The following CEMIP variants were observed in gnomAD, a reference collection of about 807,000 sequenced individuals.
CEMIP encodes the protein cell migration-inducing and hyaluronan-binding protein.
CEMIP carries 105 observed loss-of-function variants against 156.9 expected under a neutral mutation model. The observed-to-expected ratio is 0.67, with a 90% CI of 0.57 to 0.79. CEMIP has a LOEUF of 0.79. Ranked by LOEUF, CEMIP falls within the 30% of genes least tolerant of loss-of-function variation. The probability of loss-of-function intolerance (pLI) is 0.00; values close to 1 mark genes in which losing one functional copy is unlikely to be tolerated. For missense variants in CEMIP, 1,457 were observed against 1,769.4 expected (o/e 0.82, Z 3.17); for synonymous variants, 676 against 668.4 (o/e 1.01, Z -0.17).
rs751049579 is a variant in CEMIP, at chr15:80,941,780, G to T, written c.3408-69G>T. ...ATGACCAGCTCAGAGTAAATGTCTC[G>T]GTGGGTGGGAGGAGAAGAGGGAGGT... On this transcript the variant is annotated intron_variant, in intron 25 of 29. Transcript: ENST00000394685. 1.3e-5 allele frequency: 19 copies of T among 1,414,886 alleles called. No individual in the cohort carries two copies. The African/African-American group carries it at 2.1e-4, about 16-fold the overall frequency. 87.6% of individuals were successfully genotyped at this position (1,414,886 alleles called of 1,614,324 possible).
At chr15:80,865,282 A>G (rs1048862017) in intron 1 of CEMIP, among the ~76,000 whole-genome samples, 2 of 152,104 alleles carry the variant, frequency 1.3e-5, no homozygotes, top group African/African-American at 2.4e-5. Context: ...CCCGGGTTCA[A>G]GCGATTTTCC....
chr15:80,820,195 T>G (rs1237877659), intron 1 of CEMIP, among the ~76,000 whole-genome samples: 1 of 152,194 alleles, frequency 6.6e-6, no homozygotes, highest in Non-Finnish European at 1.5e-5. Context: ...TTTCCTCTAT[T>G]TAATCTGGAA....
At chr15:80,882,427 A>G (rs1318593425) in intron 6 of CEMIP, among the ~76,000 whole-genome samples, 2 of 152,216 alleles carry the variant, frequency 1.3e-5, no homozygotes, top group Non-Finnish European at 2.9e-5. Context: ...GTGTGCCTGT[A>G]TCGCCTCCAC....
intron 4 of CEMIP, among the ~76,000 whole-genome samples, 181 bp from the exon 5 acceptor site, chr15:80,879,535 C>T (rs1264156506): frequency 2.0e-5 from 3 of 152,116 alleles, no homozygotes; most frequent in Non-Finnish European, 4.4e-5. Flanking sequence ...GAACCAATTC[C>T]CTTCAGATAC....
At chr15:80,930,320 G>A (rs964478727) in intron 21 of CEMIP, among the ~76,000 whole-genome samples, 30 of 152,322 alleles carry the variant, frequency 2.0e-4, no homozygotes, top group African/African-American at 6.7e-4. Context: ...CCCTGAATCC[G>A]CACGTTCAAG....
rs191311211 is a variant in CEMIP at position 80,833,902 on chromosome 15, T to C, written c.-175-39636T>C. ...CCAGGCTGGTCTTGAACTCGTGTCC[T>C]CAAGTGATCTGCCTGCCTCAGCCTC... is the stretch of plus-strand genomic sequence containing the variant. On this transcript the variant is annotated intron_variant, in intron 1 of 29. Coordinates refer to ENST00000394685, the MANE Select transcript of CEMIP (RefSeq NM_001293298.2). Among the ~76,000 whole-genome samples the C allele has an allele frequency of 2.8e-3, 430 of 152,262 alleles. 1 individual carries two copies. Among genetic ancestry groups the C allele is most frequent in the African/African-American group, 9.8e-3 (408 of 41,568 alleles).
rs1206757925 is a variant in CEMIP at position 80,932,559 on chromosome 15, C to T, written c.2793+520C>T. Among the ~76,000 whole-genome samples, 1 of 152,130 alleles carries T rather than the reference C, an allele frequency of 6.6e-6. No homozygotes were observed. The highest frequency in any genetic ancestry group is 1.5e-5 in the Non-Finnish European group (1 of 68,026). On this transcript the variant is annotated intron_variant, in intron 22 of 29. Transcript: ENST00000394685. This position sits in a 1 kb window ranked among gnomAD's most constrained non-coding sequence, Gnocchi z 4.5. ...AGGAGCAAGGGCTGCCCTGTGAGAC[C>T]AGCCGGGGCCAGTCCTCCTGTGCAT...
intron 1 of CEMIP, among the ~76,000 whole-genome samples, chr15:80,788,939 T>C (rs971603739): frequency 3.3e-5 from 5 of 152,144 alleles, no homozygotes; most frequent in African/African-American, 1.2e-4. Context: ...TTATTTAGAA[T>C]TTTGATATTT....
intron 1 of CEMIP, among the ~76,000 whole-genome samples, chr15:80,822,142 A>G (rs1213979929): frequency 6.6e-6 from 1 of 152,220 alleles, no homozygotes; most frequent in Non-Finnish European, 1.5e-5. Context: ...AGAAGCTCCC[A>G]GTCAAGACTG....
At position 80,878,844 on chromosome 15, in the gene CEMIP, A is replaced by T; in HGVS notation, c.218A>T (p.Tyr73Phe). 1 of 1,614,176 alleles carries T rather than the reference A, an allele frequency of 6.2e-7. No individual in the cohort carries two copies. The highest frequency in any genetic ancestry group is 1.1e-5 in the South Asian group (1 of 91,090). ...TLLLTSSATV[Y>F]SIHISEGGKL... ...CTGCTCACCTCTTCTGCCACGGTCTATTCCATCCACATCTCAGAGGGAGGT... is the reference window on the plus strand; with the variant it reads ...CTGCTCACCTCTTCTGCCACGGTCTTTTCCATCCACATCTCAGAGGGAGGT... Residue 73 changes from tyrosine (Y) to phenylalanine (F), a missense_variant, in exon 4 of 30, where the codon TAT becomes TTT. Physicochemically the swap from Tyr to Phe is conservative, Grantham distance 22 (BLOSUM62 3). Around this residue, in one of 5 missense-constraint regions of CEMIP, gnomAD observed 309 missense variants for 340.8 expected, o/e 0.91. Coordinates refer to ENST00000394685, the MANE Select transcript of CEMIP (RefSeq NM_001293298.2).
Position 80,942,828 on chromosome 15 carries a change from C to A in CEMIP, c.3700-117C>A, listed in dbSNP as rs1901392652. 5 of 1,205,286 alleles carry A rather than the reference C, an allele frequency of 4.1e-6. No homozygotes were observed. The Admixed American group carries it at 6.7e-5, about 16-fold the overall frequency. 74.7% of individuals were successfully genotyped at this position (1,205,286 alleles called of 1,614,324 possible). A position where few individuals can be genotyped will look rare whatever the true frequency, so the allele number is the denominator to read the frequency against. ...AGTTAAGTGGATAATGGAGTTTACG[C>A]TTCAAATAGATGCATAGGCAACTTC... On this transcript the variant is annotated intron_variant, in intron 27 of 29. Transcript: ENST00000394685.
intron 6 of CEMIP, among the ~76,000 whole-genome samples, chr15:80,882,763 C>T (rs935141785): frequency 1.3e-5 from 2 of 149,372 alleles, no homozygotes; most frequent in African/African-American, 4.9e-5. Flanking sequence ...CACATACACA[C>T]ACACACACAC....
In CEMIP at chr15:80,828,051, GT is replaced by G. The variant is rs1297116448; in HGVS notation, c.-175-45486del. ...CAAAGGGTTAAAAAAAGGATTTCAT[GT>G]GAAGAAAAGTGCTTTGGTTTTCCCC... On this transcript the variant is annotated intron_variant, in intron 1 of 29. Coordinates refer to ENST00000394685, the MANE Select transcript of CEMIP (RefSeq NM_001293298.2). Among the ~76,000 whole-genome samples the G allele has an allele frequency of 1.2e-4, 18 of 152,302 alleles. No individual in the cohort carries two copies. The East Asian group carries it at 3.5e-3, about 29-fold the overall frequency.
intron 16 of CEMIP, 111 bp downstream of exon 16, chr15:80,921,212 T>C (rs1596192783): frequency 1.0e-6 from 1 of 992,820 alleles, no homozygotes; most frequent in East Asian, 2.6e-5. Context: ...AGCCCAGATA[T>C]CCATGCAGAC....
At chr15:80,781,328 A>T (rs1305618167) in intron 1 of CEMIP, among the ~76,000 whole-genome samples, 1 of 152,230 alleles carries the variant, frequency 6.6e-6, no homozygotes, top group Non-Finnish European at 1.5e-5. Context: ...TGCAAAAGCA[A>T]CTATGCGGTT....
intron 14 of CEMIP, among the ~76,000 whole-genome samples, chr15:80,912,020 AG>A (rs1900084865): frequency 6.8e-6 from 1 of 147,454 alleles, no homozygotes; most frequent in Non-Finnish European, 1.5e-5. Context: ...TTGCTGGGAG[AG>A]GCTGGGAGAG....
intron 8 of CEMIP, 119 bp downstream of exon 8, chr15:80,887,883 G>T: frequency 1.2e-6 from 1 of 859,314 alleles, no homozygotes; most frequent in Non-Finnish European, 1.9e-6. Context: ...CCAATGTCTA[G>T]ATGAGTGAGC....
At chr15:80,784,397 G>A (rs562592649) in intron 1 of CEMIP, among the ~76,000 whole-genome samples, 3 of 152,310 alleles carry the variant, frequency 2.0e-5, no homozygotes, top group African/African-American at 7.2e-5. Context: ...TTCCCCAGGA[G>A]CCTGCTGCAC....
At chr15:80,815,884 G>A (rs1000457794) in intron 1 of CEMIP, among the ~76,000 whole-genome samples, 1 of 152,264 alleles carries the variant, frequency 6.6e-6, no homozygotes, top group African/African-American at 2.4e-5. Flanking sequence ...CATACAGCTC[G>A]GTGGATGGTG....
Sources: gnomAD v4.1 joint callset for allele counts (sites outside exome capture counted in the v4.1 genomes callset) on GRCh38, gnomAD v4.1.1 for gene constraint, gnomAD v4.1.1 regional missense constraint, Gnocchi (gnomAD v3.1) non-coding constraint, MANE v1.5 for transcripts, NCBI Gene and HGNC (gene_info 2026-07-23, HGNC 2026-07-21) for gene names.